Variants in MOGAT3 observed in about 807,000 individuals in gnomAD.
MOGAT3 encodes the protein monoacylglycerol O-acyltransferase 3, also known as 2-acylglycerol O-acyltransferase 3.
In MOGAT3, 39 loss-of-function variants were observed where a neutral mutation model predicts 34.4. The ratio of observed to expected loss-of-function variants is 1.13; its 90% CI spans 0.88 to 1.48. MOGAT3 has a LOEUF of 1.48. Ranked by LOEUF, MOGAT3 falls within the 40% of genes most tolerant of loss-of-function variation. MOGAT3 has a pLI of 0.00. For synonymous variants in MOGAT3, 209 were observed against 179.2 expected (o/e 1.17, Z -1.33); for missense variants, 439 against 438.9 (o/e 1.00, Z 0.00).
Position 101,196,134 on chromosome 7 carries a change from C to A in MOGAT3, c.872-34G>T, listed in dbSNP as rs1797775766. The A allele has an allele frequency of 2.5e-6, 4 of 1,584,376 alleles. No homozygotes were observed. The African/African-American group carries it at 5.4e-5, about 21-fold the overall frequency. ...AGAGGGAGACAGGTGGGCGAGGGAT[C>A]CCTGATGCCCACGCAGCTGCTGGTG... is the stretch of plus-strand genomic sequence containing the variant. On this transcript the variant is annotated intron_variant, in intron 6 of 6. Transcript: ENST00000223114.
Position 101,196,011 on chromosome 7 carries a change from G to T in MOGAT3, c.961C>A (p.Gln321Lys). The T allele has an allele frequency of 1.9e-6, 3 of 1,614,156 alleles. No individual in the cohort carries two copies. The highest frequency in any genetic ancestry group is 2.5e-6 in the Non-Finnish European group (3 of 1,180,022). The change falls in exon 7 of 7, where the codon CAG becomes AAG. Residue 321 changes from glutamine to lysine, a missense_variant. Coordinates refer to ENST00000223114, the MANE Select transcript of MOGAT3 (RefSeq NM_178176.4). ...YHALYMTALE[Q>K]LFEEHKESCG... ...CTTTCCTTGTGCTCCTCGAAGAGCT[G>T]CTCCAGGGCCGTCATGTAGAGGGCG...
chr7:101,192,901 A>G (rs181274509), downstream of MOGAT3, among the ~76,000 whole-genome samples: 1,009 of 151,762 alleles, frequency 6.6e-3, 9 homozygotes, highest in African/African-American at 0.023. Flanking sequence ...GTGAAACCCC[A>G]TCTCTACTAA....
Sources: allele counts gnomAD v4.1 joint callset (sites outside exome capture counted in the v4.1 genomes callset), GRCh38; gene constraint gnomAD v4.1.1; transcripts MANE v1.5; gene names NCBI Gene and HGNC (gene_info 2026-07-23, HGNC 2026-07-21).